CRIM1: variants seen among roughly 807,000 people sequenced by gnomAD.
The protein encoded by CRIM1 is cysteine rich transmembrane BMP regulator 1.
In CRIM1, 32 loss-of-function variants were observed where a neutral mutation model predicts 116.4. The ratio of observed to expected loss-of-function variants is 0.27; its 90% confidence interval spans 0.21 to 0.37. CRIM1 has a LOEUF of 0.37. Ranked by LOEUF, CRIM1 falls within the 10% of genes least tolerant of loss-of-function variation. The probability of loss-of-function intolerance (pLI) is 1.00; values close to 1 mark genes in which losing one functional copy is unlikely to be tolerated. For synonymous variants in CRIM1, 590 were observed against 509.2 expected (o/e 1.16, Z -2.13); for missense variants, 1,331 against 1,354.8 (o/e 0.98, Z 0.28).
At chr2:36,429,238 C>T (rs182422240) in intron 2 of CRIM1, among the ~76,000 whole-genome samples, 1 of 152,322 alleles carries the variant, frequency 6.6e-6, no homozygotes, top group Non-Finnish European at 1.5e-5. Flanking sequence ...GCTGTTTCAC[C>T]ATAATCTGTT....
chr2:36,473,433 A>T (rs1368919521), intron 5 of CRIM1, among the ~76,000 whole-genome samples: 31 of 152,134 alleles, frequency 2.0e-4, no homozygotes, highest in Admixed American at 2.0e-3. Context: ...GTATGCTCAG[A>T]GTTCTGCAAT....
At chr2:36,359,186 C>T (rs1377213239) in intron 1 of CRIM1, among the ~76,000 whole-genome samples, 1 of 152,142 alleles carries the variant, frequency 6.6e-6, no homozygotes, top group African/African-American at 2.4e-5. Flanking sequence ...GTTGAAGTCT[C>T]TTTTGCTGCA....
intron 2 of CRIM1, among the ~76,000 whole-genome samples, chr2:36,438,711 C>A (rs1033715820): frequency 5.3e-5 from 8 of 152,106 alleles, no homozygotes; most frequent in Non-Finnish European, 1.0e-4. Flanking sequence ...TTAACAAAAA[C>A]CACATTTCTG....
rs1344245795 is a variant in CRIM1 at position 36,396,600 on chromosome 2, T to G, written c.332-14T>G. The G allele has an allele frequency of 6.5e-7, 1 of 1,533,096 alleles. No homozygotes were observed. Among genetic ancestry groups the G allele is most frequent in the Non-Finnish European group, 8.9e-7 (1 of 1,127,012 alleles). The allele number at this position is 1,533,096 out of a possible 1,614,324, so 95.0% of individuals were successfully genotyped here. A position where few individuals can be genotyped will look rare whatever the true frequency, so the allele number is the denominator to read the frequency against. Reference sequence around the variant, plus strand: ...CTGCAAACACACATTATCTGGTTGTTAATTGTTTTACAGATGAGAACTGGA... The same window carrying G: ...CTGCAAACACACATTATCTGGTTGTGAATTGTTTTACAGATGAGAACTGGA... On this transcript the variant is annotated splice_polypyrimidine_tract_variant and intron_variant, in intron 1 of 16. Coordinates refer to ENST00000280527, the MANE Select transcript of CRIM1 (RefSeq NM_016441.3).
At chr2:36,374,623 T>C (rs1670180600) in intron 1 of CRIM1, among the ~76,000 whole-genome samples, 1 of 152,218 alleles carries the variant, frequency 6.6e-6, no homozygotes, top group Admixed American at 6.5e-5. Flanking sequence ...ACTGCAGTGT[T>C]ACTCCTCATT....
intron 7 of CRIM1, among the ~76,000 whole-genome samples, chr2:36,494,194 A>T (rs1226818279): frequency 6.6e-6 from 1 of 152,190 alleles, no homozygotes; most frequent in African/African-American, 2.4e-5. Flanking sequence ...TTTTTAATCA[A>T]ATTAATTGTG....
At chr2:36,429,055 A>T (rs1318731257) in intron 2 of CRIM1, among the ~76,000 whole-genome samples, 1 of 152,180 alleles carries the variant, frequency 6.6e-6, no homozygotes, top group Non-Finnish European at 1.5e-5. Flanking sequence ...TTGGAATACC[A>T]TATGGACAAG....
In CRIM1 at chr2:36,402,651, G is replaced by A. The variant is rs1282141366; in HGVS notation, c.505+5864G>A. On this transcript the variant is annotated intron_variant, in intron 2 of 16. Coordinates refer to ENST00000280527, the MANE Select transcript of CRIM1 (RefSeq NM_016441.3). ...GAGTATGAACAGAGCTGGCTGGTAG[G>A]GGTTCTTTTAGTAGTTCATGTAAGA... Among the ~76,000 whole-genome samples, 11 of 151,506 alleles carry A rather than the reference G, an allele frequency of 7.3e-5. No individual in the cohort carries two copies. In the Admixed American group the frequency reaches 7.3e-4, roughly 10 times the overall value.
intron 2 of CRIM1, among the ~76,000 whole-genome samples, chr2:36,417,923 C>T (rs185749027): frequency 6.6e-6 from 1 of 152,196 alleles, no homozygotes; most frequent in African/African-American, 2.4e-5. Context: ...GAAGGATGAA[C>T]AGGATTTCAG....
chr2:36,433,346 A>C (rs1005855678), intron 2 of CRIM1, among the ~76,000 whole-genome samples: 1 of 152,150 alleles, frequency 6.6e-6, no homozygotes, highest in Admixed American at 6.5e-5. Flanking sequence ...TGGGAAGAAA[A>C]GATGTGTGGT....
At chr2:36,468,802 G>C (rs1026034620) in intron 5 of CRIM1, among the ~76,000 whole-genome samples, 5 of 152,148 alleles carry the variant, frequency 3.3e-5, no homozygotes, top group Non-Finnish European at 7.3e-5. Context: ...GGAGGCATTT[G>C]GGTTTGAAAT....
rs373743815 is a variant in CRIM1, at chr2:36,513,572, T to C, written c.1797T>C (p.Ala599=). 4.6e-5 allele frequency: 75 copies of C among 1,614,062 alleles called. No individual in the cohort carries two copies. Among genetic ancestry groups the C allele is most frequent in the Non-Finnish European group, 5.5e-5 (65 of 1,180,012 alleles). Residue 599 remains alanine, a synonymous_variant, in exon 11 of 17, where the codon GCT becomes GCC. Coordinates refer to ENST00000280527, the MANE Select transcript of CRIM1 (RefSeq NM_016441.3). ...ICKCREASAS[A]GPPILSGTCL... is the part of the protein sequence containing the mutation. The stretch of plus-strand genomic sequence containing the variant: ...TCTGTCCAGAGGCCTCTGCTTCAGC[T>C]GGGCCACCCATCCTGTCGGGCACTT...
At chr2:36,480,326 G>T (rs1679309352) in intron 7 of CRIM1, among the ~76,000 whole-genome samples, 1 of 152,094 alleles carries the variant, frequency 6.6e-6, no homozygotes, top group African/African-American at 2.4e-5. Context: ...CTCCATCCTG[G>T]GAAGATTCTC....
intron 7 of CRIM1, among the ~76,000 whole-genome samples, chr2:36,485,549 A>G (rs1436916935): frequency 1.3e-5 from 2 of 152,204 alleles, no homozygotes; most frequent in African/African-American, 4.8e-5. Flanking sequence ...AAAAGTCTGT[A>G]CCAGGCACAT....
In CRIM1 at chr2:36,517,548, C is replaced by A; in HGVS notation, c.2206+6C>A. 6.2e-7 allele frequency: 1 copy of A among 1,604,898 alleles called. No homozygotes were observed. Among genetic ancestry groups the A allele is most frequent in the South Asian group, 1.1e-5 (1 of 90,902 alleles). On this transcript the variant is annotated splice_donor_region_variant and intron_variant, in intron 12 of 16. Transcript: ENST00000280527. ...CTGCTGCCCACAGTGTACAGGTAAGCGACACCATGCCTTGTGGGTGCTTGG... is the reference window on the plus strand; with the variant it reads ...CTGCTGCCCACAGTGTACAGGTAAGAGACACCATGCCTTGTGGGTGCTTGG...
intron 8 of CRIM1, among the ~76,000 whole-genome samples, chr2:36,503,886 T>C (rs1681189525): frequency 6.6e-6 from 1 of 152,116 alleles, no homozygotes; most frequent in African/African-American, 2.4e-5. Context: ...TAGATTTTTT[T>C]TTTATACAGG....
chr2:36,504,859 A>C (rs1314005205), intron 8 of CRIM1, among the ~76,000 whole-genome samples: 2 of 152,206 alleles, frequency 1.3e-5, no homozygotes, highest in African/African-American at 4.8e-5. Flanking sequence ...CTTAGTGTAC[A>C]CATCTTTAAA....
chr2:36,385,928 G>A (rs1051192787), intron 1 of CRIM1, among the ~76,000 whole-genome samples: 1 of 152,198 alleles, frequency 6.6e-6, no homozygotes, highest in Non-Finnish European at 1.5e-5. Context: ...GTCTCAGGGG[G>A]TGAAATGTGC....
At chr2:36,493,503 C>T (rs1441258563) in intron 7 of CRIM1, among the ~76,000 whole-genome samples, 1 of 152,164 alleles carries the variant, frequency 6.6e-6, no homozygotes, top group Admixed American at 6.5e-5. Context: ...CCTGACAAGA[C>T]AGTACTACAC....
Sources: allele counts gnomAD v4.1 joint callset (sites outside exome capture counted in the v4.1 genomes callset), GRCh38; gene constraint gnomAD v4.1.1; transcripts MANE v1.5; gene names NCBI Gene and HGNC (gene_info 2026-07-23, HGNC 2026-07-21).